The following LUZP2 variants were observed in gnomAD, a reference collection of about 807,000 sequenced individuals.
LUZP2 encodes leucine zipper protein 2.
A neutral mutation model predicts 51.6 loss-of-function variants in LUZP2; 52 were observed. The ratio of observed to expected loss-of-function variants is 1.01; its 90% CI spans 0.81 to 1.27. The LOEUF is 1.27. Among genes scored for constraint, LUZP2 ranks in the 50% most tolerant of loss-of-function variants. LUZP2 has a pLI of 0.00. For synonymous variants in LUZP2, 154 were observed against 137.3 expected (o/e 1.12, Z -0.85); for missense variants, 436 against 395.4 (o/e 1.10, Z -0.87).
At chr11:24,644,398 T>G (rs1166719744) in intron 1 of LUZP2, among the ~76,000 whole-genome samples, 1 of 152,064 alleles carries the variant, frequency 6.6e-6, no homozygotes, top group Non-Finnish European at 1.5e-5. Context: ...TGTTTACAAC[T>G]GCACAATGTA....
chr11:25,076,649 G>GGAAGGGAGGGAGGGAA (rs1250893957), intron 10 of LUZP2, among the ~76,000 whole-genome samples: 1 of 142,050 alleles, frequency 7.0e-6, no homozygotes, highest in African/African-American at 2.6e-5. Context: ...AAAGAGGGAA[G>GGAAGGGAGGGAGGGAA]GAAGGGAGGG....
At chr11:24,920,311 A>T (rs1379193086) in intron 7 of LUZP2, among the ~76,000 whole-genome samples, 1 of 152,024 alleles carries the variant, frequency 6.6e-6, no homozygotes, top group African/African-American at 2.4e-5. Context: ...GCTTCAGGGA[A>T]TTGGTAGTCC....
At chr11:24,804,186 T>C (rs1185326638) in intron 5 of LUZP2, among the ~76,000 whole-genome samples, 1 of 152,094 alleles carries the variant, frequency 6.6e-6, no homozygotes, top group Non-Finnish European at 1.5e-5. Flanking sequence ...AAAGACCAAA[T>C]ACATTTTTCT....
At position 24,732,933 on chromosome 11, in the gene LUZP2, C is replaced by T. The variant is rs113785437; in HGVS notation, c.251+745C>T. 7.4e-3 allele frequency among the ~76,000 whole-genome samples: 1,120 copies of T among 151,676 alleles called. 12 individuals carry two copies. The highest frequency in any genetic ancestry group is 0.026 in the African/African-American group (1,075 of 41,444). ...TGCTTAGTGGAATTGCTGAGAATCACGTTAATTGGAATTTAGATTTAAAAT... is the reference window on the plus strand; with the variant it reads ...TGCTTAGTGGAATTGCTGAGAATCATGTTAATTGGAATTTAGATTTAAAAT... On this transcript the variant is annotated intron_variant, in intron 3 of 11. Coordinates refer to ENST00000336930, the MANE Select transcript of LUZP2 (RefSeq NM_001009909.4).
chr11:24,792,519 T>G (rs1849436419), intron 5 of LUZP2, among the ~76,000 whole-genome samples: 1 of 152,134 alleles, frequency 6.6e-6, no homozygotes, highest in Non-Finnish European at 1.5e-5. Context: ...CTGTGTTGGT[T>G]TTTTTTGCTT....
chr11:24,856,457 G>C (rs1409275052), intron 5 of LUZP2, among the ~76,000 whole-genome samples: 3 of 152,138 alleles, frequency 2.0e-5, no homozygotes, highest in Admixed American at 1.3e-4. Context: ...GTAGAGAAAA[G>C]ATAATGCTTA....
At chr11:24,697,937 C>T (rs1857298042) in intron 1 of LUZP2, among the ~76,000 whole-genome samples, 2 of 152,202 alleles carry the variant, frequency 1.3e-5, no homozygotes, top group Admixed American at 6.5e-5. Context: ...GTCCTGTGAC[C>T]CCCACCCAGA....
At chr11:24,684,571 G>C (rs537072695) in intron 1 of LUZP2, among the ~76,000 whole-genome samples, 4 of 152,280 alleles carry the variant, frequency 2.6e-5, no homozygotes, top group African/African-American at 9.6e-5. Flanking sequence ...GTAAGCTTCA[G>C]GGAGCTGAAG....
chr11:25,073,629 G>C (rs1440872025), intron 10 of LUZP2, among the ~76,000 whole-genome samples: 1 of 151,780 alleles, frequency 6.6e-6, no homozygotes, highest in African/African-American at 2.4e-5. Flanking sequence ...GTTAAAAAAG[G>C]AGCATTCGTA....
chr11:24,907,348 A>C (rs1431181438), intron 6 of LUZP2, among the ~76,000 whole-genome samples: 1 of 151,818 alleles, frequency 6.6e-6, no homozygotes, highest in Non-Finnish European at 1.5e-5. Flanking sequence ...CATGCAATGT[A>C]ACAATCCATT....
chr11:24,933,306 G>A (rs774503476), intron 7 of LUZP2, among the ~76,000 whole-genome samples: 4 of 152,086 alleles, frequency 2.6e-5, no homozygotes, highest in Admixed American at 2.0e-4. Flanking sequence ...AGCTCTGTTC[G>A]TCTGAGTGGG....
chr11:24,777,155 G>A (rs1848954678), intron 5 of LUZP2, among the ~76,000 whole-genome samples: 1 of 151,912 alleles, frequency 6.6e-6, no homozygotes, highest in Non-Finnish European at 1.5e-5. Flanking sequence ...CACCACGCCT[G>A]GCTAATTTTT....
intron 1 of LUZP2, among the ~76,000 whole-genome samples, chr11:24,712,821 T>C (rs1857887743): frequency 6.6e-6 from 1 of 152,214 alleles, no homozygotes; most frequent in Non-Finnish European, 1.5e-5. Flanking sequence ...TTCCAAATAT[T>C]TTTATCTATG....
At chr11:24,609,873 A>G (rs1854059782) in intron 1 of LUZP2, among the ~76,000 whole-genome samples, 1 of 152,216 alleles carries the variant, frequency 6.6e-6, no homozygotes, top group Non-Finnish European at 1.5e-5. Flanking sequence ...CAAACCAAAA[A>G]GACTGGCATT....
intron 1 of LUZP2, among the ~76,000 whole-genome samples, chr11:24,704,852 A>G (rs1323634886): frequency 2.0e-5 from 3 of 152,174 alleles, no homozygotes; most frequent in Non-Finnish European, 2.9e-5. Flanking sequence ...TGACTTATCT[A>G]TAGTCCCAGG....
rs377397734 is a variant in LUZP2, at chr11:24,802,158, TAG to T, written c.396+38852_396+38853del. 2.1e-3 allele frequency among the ~76,000 whole-genome samples: 319 copies of T among 152,220 alleles called. 1 individual carries two copies. The highest frequency in any genetic ancestry group is 0.02 in the South Asian group (97 of 4,828). ...TTGCCTGTTTTGAATTTTATTTAAT[TAG>T]ACTCATACAATATGCAGTCTATTAT... On this transcript the variant is annotated intron_variant, in intron 5 of 11. Transcript: ENST00000336930.
intron 5 of LUZP2, among the ~76,000 whole-genome samples, chr11:24,822,500 A>G (rs1850390519): frequency 6.6e-6 from 1 of 152,156 alleles, no homozygotes; most frequent in South Asian, 2.1e-4. Flanking sequence ...ATTCATTTTA[A>G]GAGTGTTAGC....
chr11:24,575,490 A>C (rs971093016), intron 1 of LUZP2, among the ~76,000 whole-genome samples: 1 of 152,198 alleles, frequency 6.6e-6, no homozygotes, highest in African/African-American at 2.4e-5. Flanking sequence ...TATTCATGCT[A>C]TCAGCATAGA....
intron 1 of LUZP2, among the ~76,000 whole-genome samples, chr11:24,704,228 T>G (rs1857501386): frequency 6.6e-6 from 1 of 152,156 alleles, no homozygotes; most frequent in Non-Finnish European, 1.5e-5. Flanking sequence ...AAACATGAAA[T>G]GGTCATTTTT....
Sources: gnomAD v4.1 joint callset for allele counts (sites outside exome capture counted in the v4.1 genomes callset) on GRCh38, gnomAD v4.1.1 for gene constraint, MANE v1.5 for transcripts, NCBI Gene and HGNC (gene_info 2026-07-23, HGNC 2026-07-21) for gene names.